The following NOC3L variants were observed in gnomAD, a reference collection of about 807,000 sequenced individuals.
The protein encoded by NOC3L is NOC3 like DNA replication regulator.
NOC3L carries 85 observed loss-of-function variants against 102.5 expected under a neutral mutation model. The observed-to-expected ratio is 0.83, with a 90% CI of 0.70 to 0.99. The LOEUF is 0.99. NOC3L is among the 50% of genes least tolerant of loss of function. The pLI is 0.00. For missense variants in NOC3L, 878 were observed against 914.9 expected (o/e 0.96, Z 0.52); for synonymous variants, 303 against 309.4 (o/e 0.98, Z 0.22).
chr10:94,361,573 A>T (rs1439623823), intron 2 of NOC3L, 92 bp downstream of exon 2: 1 of 1,230,016 alleles, frequency 8.1e-7, no homozygotes, highest in African/African-American at 1.5e-5. Context: ...TGAGAACAAG[A>T]AAAGCGATTA....
intron 2 of NOC3L, among the ~76,000 whole-genome samples, chr10:94,358,652 C>T (rs2054515936): frequency 6.6e-6 from 1 of 152,164 alleles, no homozygotes; most frequent in Admixed American, 6.5e-5. Context: ...CCATTTCAGC[C>T]AGCCTCTCTA....
At chr10:94,317,705 G>A in the NOC3L span, among the ~76,000 whole-genome samples, 1 of 152,118 alleles carries the variant, frequency 6.6e-6, no homozygotes, top group African/African-American at 2.4e-5. Context: ...AAACTGATTG[G>A]CTCCTGTTTG....
chr10:94,314,958 A>G, the NOC3L span: 1 of 155,122 alleles, frequency 6.4e-6, no homozygotes, highest in Non-Finnish European at 1.4e-5. Flanking sequence ...AGTGTCCACT[A>G]TCACAAAGCA....
At chr10:94,332,849 T>G (rs1034815215), downstream of NOC3L, 1 of 152,194 alleles carries the variant, frequency 6.6e-6, no homozygotes, top group African/African-American at 2.4e-5. Context: ...CTGATGGGGA[T>G]TAGACCCTTT....
At chr10:94,360,947 G>A (rs950478178) in intron 2 of NOC3L, among the ~76,000 whole-genome samples, 2 of 152,072 alleles carry the variant, frequency 1.3e-5, no homozygotes, top group African/African-American at 4.8e-5. Flanking sequence ...AGGAGGTCAA[G>A]GCTGTAGTGG....
At chr10:94,324,905 A>C in the NOC3L span, 1 of 1,614,184 alleles carries the variant, frequency 6.2e-7, no homozygotes, top group African/African-American at 1.3e-5. Context: ...TCTCGAGAAG[A>C]TAAAAAGAAA....
At chr10:94,319,860 T>TCAAA in the NOC3L span, among the ~76,000 whole-genome samples, 5 of 138,006 alleles carry the variant, frequency 3.6e-5, no homozygotes, top group Admixed American at 1.5e-4. Flanking sequence ...GGCTCAAAGG[T>TCAAA]GCTCTTTTTT....
chr10:94,323,005 T>C, the NOC3L span, among the ~76,000 whole-genome samples: 4 of 152,168 alleles, frequency 2.6e-5, no homozygotes, highest in Admixed American at 2.0e-4. Context: ...TATTAATTCA[T>C]TCCTTCAACA....
chr10:94,326,298 T>C, the NOC3L span, among the ~76,000 whole-genome samples: 2 of 152,208 alleles, frequency 1.3e-5, no homozygotes, highest in Admixed American at 6.5e-5. Context: ...AACTCAGTGA[T>C]GCCTCTTCCC....
intron 5 of NOC3L, among the ~76,000 whole-genome samples, 158 bp from the exon 6 acceptor site, chr10:94,355,251 G>A (rs11187901): frequency 0.31 from 46,530 of 151,972 alleles, 7,610 homozygotes; most frequent in Middle Eastern, 0.46. Context: ...TACTATCATT[G>A]GACCCATTTT....
At chr10:94,316,493 G>T in the NOC3L span, 886 of 1,123,460 alleles carry the variant, frequency 7.9e-4, no homozygotes, top group African/African-American at 0.013. Flanking sequence ...CATGAAAGTT[G>T]ATTTGTTTTA....
chr10:94,346,651 C>T (rs11187896), intron 10 of NOC3L, 95 bp from the exon 11 acceptor site: 8,168 of 654,350 alleles, frequency 0.012, 431 homozygotes, highest in African/African-American at 0.12. Flanking sequence ...TTATTTCCCT[C>T]GTTCATGAAA....
At chr10:94,356,194 G>A (rs959532972) in intron 5 of NOC3L, among the ~76,000 whole-genome samples, 2 of 152,066 alleles carry the variant, frequency 1.3e-5, no homozygotes, top group Admixed American at 1.3e-4. Context: ...CTACAGAATC[G>A]CTTTTGTAAT....
At position 94,350,301 on chromosome 10, in the gene NOC3L, T is replaced by C; in HGVS notation, c.953-13A>G. On this transcript the variant is annotated splice_polypyrimidine_tract_variant and intron_variant, in intron 8 of 20. Coordinates refer to ENST00000371361, the MANE Select transcript of NOC3L (RefSeq NM_022451.11). ...CTCTGCTTCCAATCTAATCAAAAGA[T>C]AACTGTAGTTACTTTACTCATTGGT... 4 of 1,610,684 alleles carry C rather than the reference T, an allele frequency of 2.5e-6. No individual in the cohort carries two copies. The highest frequency in any genetic ancestry group is 3.4e-6 in the Non-Finnish European group (4 of 1,177,108).
the NOC3L span, chr10:94,328,043 G>A: frequency 4.5e-5 from 23 of 512,006 alleles, no homozygotes; most frequent in Admixed American, 4.3e-4. Flanking sequence ...GACTTAAACT[G>A]GAAATTGATG....
intron 14 of NOC3L, among the ~76,000 whole-genome samples, chr10:94,340,980 CAAAAA>C (rs71485908): frequency 2.9e-5 from 2 of 67,836 alleles, no homozygotes; most frequent in Non-Finnish European, 6.1e-5. Flanking sequence ...GACTCCCTCT[CAAAAA>C]AAAAAAAAAA....
intron 6 of NOC3L, among the ~76,000 whole-genome samples, chr10:94,354,603 G>A (rs180759902): frequency 3.9e-5 from 6 of 152,136 alleles, no homozygotes; most frequent in Admixed American, 2.6e-4. Flanking sequence ...CCCCTGTAGC[G>A]CGCTTTTTAA....
Position 94,349,264 on chromosome 10 carries a change from C to G in NOC3L, c.1243G>C (p.Glu415Gln), listed in dbSNP as rs77146582. ...ISGFVKGRNY[E>Q]VRPEMLKTFL... is the part of the protein sequence containing the mutation. The stretch of plus-strand genomic sequence containing the variant: ...AAAAGGCTCACCTCTGGCCTAACTT[C>G]GTAATTTCTGCCCTTCACAAAACCA... Residue 415 changes from glutamate (E) to glutamine (Q), a missense_variant, in exon 10 of 21, where the codon GAA (glutamate) becomes CAA (glutamine). Physicochemically the swap from Glu to Gln is conservative, Grantham distance 29. Coordinates refer to ENST00000371361, the MANE Select transcript of NOC3L (RefSeq NM_022451.11). The G allele has an allele frequency of 9.6e-6, 15 of 1,570,562 alleles. No homozygotes were observed. The highest frequency in any genetic ancestry group is 2.1e-5 in the Admixed American group (1 of 46,806).
At chr10:94,321,191 T>G in the NOC3L span, among the ~76,000 whole-genome samples, 1 of 152,240 alleles carries the variant, frequency 6.6e-6, no homozygotes. Context: ...ATTTCAGATG[T>G]CTAGCATTTC....
Sources: allele counts gnomAD v4.1 joint callset (sites outside exome capture counted in the v4.1 genomes callset), GRCh38; gene constraint gnomAD v4.1.1; transcripts MANE v1.5; gene names NCBI Gene and HGNC (gene_info 2026-07-23, HGNC 2026-07-21).